The following PPP2R3B variants were observed in gnomAD, a reference collection of about 807,000 sequenced individuals.
PPP2R3B encodes protein phosphatase 2 regulatory subunit B''beta, also known as serine/threonine-protein phosphatase 2A regulatory subunit B'' subunit beta.
PPP2R3B carries 68 observed loss-of-function variants against 72.9 expected under a neutral mutation model. The ratio of observed to expected loss-of-function variants is 0.93; its 90% confidence interval spans 0.77 to 1.14. The LOEUF is 1.14. Among genes scored for constraint, PPP2R3B ranks in the 50% most tolerant of loss-of-function variants. The pLI, the probability that PPP2R3B is intolerant of heterozygous loss-of-function variation, is 0.00. For synonymous variants in PPP2R3B, 466 were observed against 375.8 expected, an observed-to-expected ratio of 1.24 and a Z score of -2.78; for missense variants, 1,018 against 842.0, an observed-to-expected ratio of 1.21 and a Z score of -2.59.
chrX:370,001 G>A (rs2071822298), intron 1 of PPP2R3B, among the ~76,000 whole-genome samples: 1 of 152,174 alleles, frequency 6.6e-6, no homozygotes, highest in Non-Finnish European at 1.5e-5. Context: ...CTGGAAGGCA[G>A]GGCCTGCTGC....
At chrX:341,136 CCAGGCG>C (rs2071061211) in intron 9 of PPP2R3B, among the ~76,000 whole-genome samples, 165 bp downstream of exon 9, 1 of 11,488 alleles carries the variant, frequency 8.7e-5, no homozygotes, top group African/African-American at 2.9e-4. Context: ...GCAGCCCCCA[CCAGGCG>C]TGCACATGTC....
At chrX:345,316 C>T (rs764534220) in intron 7 of PPP2R3B, 200 bp downstream of exon 7, 4 of 787,622 alleles carry the variant, frequency 5.1e-6, no homozygotes, top group South Asian at 4.4e-5. Context: ...CGGGCAGAGG[C>T]GCACGCGGGG....
intron 2 of PPP2R3B, 45 bp from the exon 3 acceptor site, chrX:347,738 G>A (rs1285566484): frequency 3.5e-6 from 5 of 1,415,702 alleles, no homozygotes; most frequent in East Asian, 2.5e-5. Context: ...GGGCCTGGAC[G>A]CCGGCGCTCC....
At chrX:345,341 C>T (rs746157504) in intron 7 of PPP2R3B, 175 bp downstream of exon 7, 396 of 924,160 alleles carry the variant, frequency 4.3e-4, no homozygotes, top group Non-Finnish European at 6.1e-4. Flanking sequence ...AGACACGGGG[C>T]AGCGACTGGG....
chrX:355,863 C>T (rs765428687), intron 2 of PPP2R3B, among the ~76,000 whole-genome samples: 3 of 152,318 alleles, frequency 2.0e-5, no homozygotes, highest in Admixed American at 6.5e-5. Context: ...CGCACGTGCC[C>T]GCTCAAGCGC....
chrX:347,982 C>T (rs910081827), intron 2 of PPP2R3B: 3 of 417,630 alleles, frequency 7.2e-6, no homozygotes, highest in African/African-American at 6.2e-5. Context: ...GTCTGGAAAT[C>T]AAGCGGCACG....
chrX:341,709 A>AC (rs35670106), intron 8 of PPP2R3B, 174 bp downstream of exon 8: 29,027 of 720,132 alleles, frequency 0.04, 1,561 homozygotes, highest in African/African-American at 0.24. Context: ...GTCTTGTGCC[A>AC]CCCCCCCCCA....
intron 1 of PPP2R3B, among the ~76,000 whole-genome samples, chrX:379,508 CGT>C (rs1372343442): frequency 6.6e-6 from 1 of 152,198 alleles, no homozygotes; most frequent in East Asian, 1.9e-4. Flanking sequence ...CACGCACGCC[CGT>C]GTTTATCTCC....
chrX:383,063 C>G (rs913669323), intron 1 of PPP2R3B, among the ~76,000 whole-genome samples: 14 of 152,220 alleles, frequency 9.2e-5, no homozygotes, highest in Admixed American at 9.2e-4. Context: ...AGAGATGCGT[C>G]CTGGGGCCCT....
intron 10 of PPP2R3B, among the ~76,000 whole-genome samples, chrX:339,354 C>A (rs1330297947): frequency 1.7e-5 from 2 of 116,692 alleles, no homozygotes; most frequent in Non-Finnish European, 3.5e-5. Context: ...TTCTGAGATG[C>A]AGAAGGAAGC....
intron 2 of PPP2R3B, among the ~76,000 whole-genome samples, chrX:356,206 G>C (rs958307797): frequency 1.3e-5 from 2 of 152,096 alleles, no homozygotes; most frequent in South Asian, 4.1e-4. Flanking sequence ...CCGGAAGCAG[G>C]GTTTTTTGTT....
intron 2 of PPP2R3B, among the ~76,000 whole-genome samples, chrX:361,054 C>T (rs5945461): frequency 0.15 from 22,076 of 152,124 alleles, 1,929 homozygotes; most frequent in Admixed American, 0.22. Context: ...GAACGGCCTC[C>T]GAGAGCCACG....
At chrX:385,400 G>A (rs1432731289) in intron 1 of PPP2R3B, among the ~76,000 whole-genome samples, 5 of 135,922 alleles carry the variant, frequency 3.7e-5, no homozygotes, top group Non-Finnish European at 7.6e-5. Context: ...TGCCTCCTGG[G>A]TTCCAGTGAT....
Position 347,796 on chromosome X carries a change from G to A in PPP2R3B, c.511-103C>T. On this transcript the variant is annotated intron_variant, in intron 2 of 12. Coordinates refer to ENST00000390665, the MANE Select transcript of PPP2R3B (RefSeq NM_013239.5). ...CGACGCCGCCCAGAGACCCTCTGCT[G>A]CAGAAAGACACAGCACGCTCAGCGC... is the stretch of plus-strand genomic sequence containing the variant. 3.0e-5 allele frequency: 25 copies of A among 832,836 alleles called. 1 individual carries two copies. The South Asian group carries it at 4.2e-4, about 14-fold the overall frequency. The allele number at this position is 832,836 out of a possible 1,614,324, so 51.6% of individuals were successfully genotyped here.
At chrX:361,168 C>T (rs544162825) in intron 2 of PPP2R3B, among the ~76,000 whole-genome samples, 10 of 152,358 alleles carry the variant, frequency 6.6e-5, no homozygotes, top group African/African-American at 1.7e-4. Context: ...GGAATTCCCA[C>T]TCGCATTTCA....
chrX:379,442 CTG>C (rs762046601), intron 1 of PPP2R3B, among the ~76,000 whole-genome samples: 13 of 150,716 alleles, frequency 8.6e-5, no homozygotes, highest in South Asian at 8.4e-4. Flanking sequence ...GCATATGCAC[CTG>C]TGTGTGTGTA....
At chrX:344,418 G>A (rs1040049310) in intron 7 of PPP2R3B, among the ~76,000 whole-genome samples, 22 of 152,346 alleles carry the variant, frequency 1.4e-4, no homozygotes, top group African/African-American at 4.8e-4. Context: ...CCATCCCTGC[G>A]GTCACCGGTG....
At chrX:373,368 C>T (rs1008320753) in intron 1 of PPP2R3B, among the ~76,000 whole-genome samples, 2 of 152,220 alleles carry the variant, frequency 1.3e-5, no homozygotes, top group African/African-American at 4.8e-5. Context: ...GTCCCCTGCG[C>T]CCACAACTGG....
chrX:341,507 TC>T, intron 8 of PPP2R3B, 111 bp from the exon 9 acceptor site: 1 of 1,033,968 alleles, frequency 9.7e-7, no homozygotes, highest in Non-Finnish European at 1.5e-6. Context: ...GGCCCGGCCC[TC>T]CTCCTGCCCC....
Sources: gnomAD v4.1 joint callset for allele counts (sites outside exome capture counted in the v4.1 genomes callset) on GRCh38, gnomAD v4.1.1 for gene constraint, MANE v1.5 for transcripts, NCBI Gene and HGNC (gene_info 2026-07-23, HGNC 2026-07-21) for gene names.